Variants in SLC25A26 observed in about 807,000 individuals in gnomAD.
SLC25A26 encodes the protein solute carrier family 25 member 26.
In SLC25A26, 36 loss-of-function variants were observed where a neutral mutation model predicts 37.8. That is an observed-to-expected ratio of 0.95 (90% CI 0.73 to 1.26). The LOEUF (loss-of-function observed/expected upper bound fraction) is 1.26. Ranked by LOEUF, SLC25A26 falls within the 50% of genes most tolerant of loss-of-function variation. The pLI is 0.00. For missense variants in SLC25A26, 390 were observed against 331.1 expected (o/e 1.18, Z -1.38); for synonymous variants, 129 against 122.5 (o/e 1.05, Z -0.35).
chr3:66,306,325 G>A (rs2075220323), intron 5 of SLC25A26, among the ~76,000 whole-genome samples: 1 of 152,096 alleles, frequency 6.6e-6, no homozygotes, highest in Admixed American at 6.5e-5. Flanking sequence ...GGCGTGAGAC[G>A]GTATCTCATT....
intron 3 of SLC25A26, among the ~76,000 whole-genome samples, chr3:66,255,615 T>C (rs1047987217): frequency 1.1e-4 from 16 of 152,168 alleles, no homozygotes; most frequent in African/African-American, 3.9e-4. Flanking sequence ...GGATTCATAC[T>C]GAACCTCAGA....
At chr3:66,251,316 G>A (rs1036796135) in intron 3 of SLC25A26, among the ~76,000 whole-genome samples, 5 of 152,196 alleles carry the variant, frequency 3.3e-5, no homozygotes, top group South Asian at 4.1e-4. Context: ...GCAGAGGGAT[G>A]CAGAGGGAGA....
intron 1 of SLC25A26, among the ~76,000 whole-genome samples, chr3:66,208,454 A>C (rs1283461265): frequency 2.0e-5 from 3 of 151,972 alleles, no homozygotes; most frequent in Non-Finnish European, 4.4e-5. Flanking sequence ...CATGGATTTC[A>C]CATGCCCTCT....
chr3:66,286,409 A>G (rs1483946406), intron 5 of SLC25A26, among the ~76,000 whole-genome samples: 2 of 152,072 alleles, frequency 1.3e-5, no homozygotes, highest in Admixed American at 6.5e-5. Context: ...TTTTTTGCAT[A>G]TATAGATGTC....
intron 5 of SLC25A26, among the ~76,000 whole-genome samples, chr3:66,293,748 C>T (rs961429965): frequency 7.2e-5 from 11 of 152,130 alleles, no homozygotes; most frequent in African/African-American, 2.4e-4. Flanking sequence ...GTATAGTATT[C>T]ATGGTATATA....
At chr3:66,352,860 C>G (rs17044348) in intron 6 of SLC25A26, among the ~76,000 whole-genome samples, 1 of 152,012 alleles carries the variant, frequency 6.6e-6, no homozygotes, top group South Asian at 2.1e-4. Context: ...GAGACGTTCC[C>G]GGTCTACCCC....
intron 1 of SLC25A26, among the ~76,000 whole-genome samples, chr3:66,144,329 G>T (rs2106674410): frequency 6.6e-6 from 1 of 152,280 alleles, no homozygotes; most frequent in African/African-American, 2.4e-5. Flanking sequence ...CACAATCCTG[G>T]AGGAAGATTT....
At chr3:66,339,979 T>G (rs2076172057) in intron 5 of SLC25A26, among the ~76,000 whole-genome samples, 1 of 152,124 alleles carries the variant, frequency 6.6e-6, no homozygotes, top group Non-Finnish European at 1.5e-5. Flanking sequence ...TCTAGGGGTT[T>G]TGTGGTTTTA....
intron 2 of SLC25A26, among the ~76,000 whole-genome samples, chr3:66,238,867 G>A (rs1576685119): frequency 6.6e-6 from 1 of 152,090 alleles, no homozygotes; most frequent in Non-Finnish European, 1.5e-5. Context: ...TAGAGGAGGT[G>A]GAAGGGGAGG....
chr3:66,315,556 A>AC (rs1464420741), intron 5 of SLC25A26, among the ~76,000 whole-genome samples: 1 of 152,026 alleles, frequency 6.6e-6, no homozygotes, highest in Non-Finnish European at 1.5e-5. Context: ...GATCAGTTTT[A>AC]GAGTGCCATG....
rs373752053 is a variant in SLC25A26, at chr3:66,179,175, T to G, written c.-353-41567T>G. On this transcript the variant is annotated intron_variant, in intron 1 of 10. Transcript: ENST00000676754. ...AGTTTTCCCAAATTAGATAAAAAGT[T>G]AAAGCAGCTTTAAATGTTTTTAAAT... 5.7e-4 allele frequency among the ~76,000 whole-genome samples: 87 copies of G among 152,334 alleles called. 1 individual carries two copies. In the East Asian group the frequency reaches 0.013, roughly 24 times the overall value.
At chr3:66,191,204 G>T (rs1208400073) in intron 1 of SLC25A26, among the ~76,000 whole-genome samples, 2 of 152,158 alleles carry the variant, frequency 1.3e-5, no homozygotes, top group African/African-American at 4.8e-5. Context: ...CCACTGGCCT[G>T]GGCAATGTGG....
chr3:66,142,637 G>A (rs1242363375), intron 1 of SLC25A26, among the ~76,000 whole-genome samples: 2 of 152,148 alleles, frequency 1.3e-5, no homozygotes, highest in Non-Finnish European at 2.9e-5. Context: ...CAATGGTACT[G>A]CTGCCTGACT....
At chr3:66,265,224 T>A (rs1335952683) in intron 5 of SLC25A26, among the ~76,000 whole-genome samples, 1 of 152,116 alleles carries the variant, frequency 6.6e-6, no homozygotes, top group African/African-American at 2.4e-5. Flanking sequence ...GGAGGACTGC[T>A]TGAGCCTGGG....
chr3:66,253,382 A>G (rs563897475), intron 3 of SLC25A26, among the ~76,000 whole-genome samples: 1 of 151,142 alleles, frequency 6.6e-6, no homozygotes, highest in African/African-American at 2.4e-5. Flanking sequence ...AGCCTGGGTG[A>G]CAGAGTGAGA....
At chr3:66,157,631 T>C (rs148726272) in intron 1 of SLC25A26, among the ~76,000 whole-genome samples, 204 of 152,318 alleles carry the variant, frequency 1.3e-3, no homozygotes, top group African/African-American at 4.5e-3. Flanking sequence ...TTCTTATCAA[T>C]AATGCCTTTT....
At chr3:66,327,390 AT>A (rs1249880058) in intron 5 of SLC25A26, among the ~76,000 whole-genome samples, 2 of 152,120 alleles carry the variant, frequency 1.3e-5, no homozygotes, top group East Asian at 3.8e-4. Flanking sequence ...TGTCTGTATT[AT>A]TTCCACTTAT....
intron 5 of SLC25A26, among the ~76,000 whole-genome samples, chr3:66,285,066 T>C (rs143634566): frequency 1.3e-5 from 2 of 152,262 alleles, no homozygotes; most frequent in East Asian, 3.9e-4. Flanking sequence ...AAGAGCCTAG[T>C]AGGGGTCTTC....
intron 5 of SLC25A26, among the ~76,000 whole-genome samples, chr3:66,276,186 A>G (rs1028960582): frequency 1.3e-5 from 2 of 152,154 alleles, no homozygotes; most frequent in Non-Finnish European, 2.9e-5. Flanking sequence ...AACTTTACAT[A>G]TATTTTCCTA....
Sources: allele counts gnomAD v4.1 joint callset (sites outside exome capture counted in the v4.1 genomes callset), GRCh38; gene constraint gnomAD v4.1.1; transcripts MANE v1.5; gene names NCBI Gene and HGNC (gene_info 2026-07-23, HGNC 2026-07-21).